The following EPM2A variants were observed in gnomAD, a reference collection of about 807,000 sequenced individuals.
EPM2A encodes the protein laforin.
Under a neutral mutation model 26.5 loss-of-function variants are expected in EPM2A, and 21 were observed. The ratio of observed to expected loss-of-function variants is 0.79; its 90% CI spans 0.56 to 1.14. EPM2A has a LOEUF of 1.14. Among genes scored for constraint, EPM2A ranks in the 50% most tolerant of loss-of-function variants. The pLI, the probability that EPM2A is intolerant of heterozygous loss-of-function variation, is 0.00. For synonymous variants in EPM2A, 217 were observed against 177.6 expected, an observed-to-expected ratio of 1.22 and a Z score of -1.76; for missense variants, 458 against 440.8, an observed-to-expected ratio of 1.04 and a Z score of -0.35.
chr6:145,667,874 T>A (rs2128595649), intron 2 of EPM2A, among the ~76,000 whole-genome samples: 2 of 150,772 alleles, frequency 1.3e-5, no homozygotes, highest in Middle Eastern at 3.4e-3. Context: ...GGGACGTGGA[T>A]GAAATTGGAA....
intron 4 of EPM2A, among the ~76,000 whole-genome samples, chr6:145,407,893 T>C (rs1778591176): frequency 6.6e-6 from 1 of 152,184 alleles, no homozygotes; most frequent in African/African-American, 2.4e-5. Flanking sequence ...CTGGGTAAGG[T>C]CACATGTTTA....
intron 2 of EPM2A, among the ~76,000 whole-genome samples, chr6:145,522,234 G>A (rs1033006791): frequency 1.3e-5 from 2 of 152,164 alleles, no homozygotes; most frequent in African/African-American, 4.8e-5. Context: ...TTACAGGCAT[G>A]AGCCACCGCG....
intron 3 of EPM2A, chr6:145,628,678 A>G (rs1205130299): frequency 2.0e-5 from 3 of 152,258 alleles, no homozygotes; most frequent in Admixed American, 6.5e-5. Flanking sequence ...AGTGGCCCGA[A>G]AGGATCCTCC....
intron 4 of EPM2A, among the ~76,000 whole-genome samples, chr6:145,438,280 A>C (rs1232375872): frequency 6.6e-6 from 1 of 152,100 alleles, no homozygotes; most frequent in Non-Finnish European, 1.5e-5. Context: ...AGCAGGGTGC[A>C]GGGCTGACAG....
At chr6:145,658,204 TGTCCAC>T (rs1176468874) in intron 2 of EPM2A, among the ~76,000 whole-genome samples, 1 of 152,258 alleles carries the variant, frequency 6.6e-6, no homozygotes, top group Non-Finnish European at 1.5e-5. Flanking sequence ...TGCCTGCATC[TGTCCAC>T]GCATGCAGTC....
chr6:145,403,168 G>A (rs1582727994), intron 4 of EPM2A, among the ~76,000 whole-genome samples: 1 of 152,236 alleles, frequency 6.6e-6, no homozygotes, highest in African/African-American at 2.4e-5. Flanking sequence ...CGTGTAATGT[G>A]AAATGATCAA....
chr6:145,502,049 A>T (rs761202146), intron 3 of EPM2A, among the ~76,000 whole-genome samples: 5 of 152,204 alleles, frequency 3.3e-5, no homozygotes, highest in Admixed American at 6.5e-5. Context: ...AGTGAAAAGG[A>T]GCTTTTATTA....
chr6:145,436,055 T>G (rs149708709), intron 4 of EPM2A, among the ~76,000 whole-genome samples: 5 of 152,204 alleles, frequency 3.3e-5, no homozygotes, highest in Admixed American at 1.3e-4. Flanking sequence ...AAATATGGTA[T>G]AGAATAGTTT....
At chr6:145,622,440 G>C (rs1466328213), downstream of EPM2A, among the ~76,000 whole-genome samples, 2 of 152,036 alleles carry the variant, frequency 1.3e-5, no homozygotes, top group Non-Finnish European at 2.9e-5. Context: ...TTCAAATGTT[G>C]AAGTCATAAC....
chr6:145,554,451 G>GATAC lies in EPM2A; in HGVS notation c.341-51877_341-51876insGTAT, dbSNP rs1464873627. Among the ~76,000 whole-genome samples, 547 of 151,450 alleles carry GATAC rather than the reference G, an allele frequency of 3.6e-3. 14 individuals carry two copies. In the East Asian group the frequency reaches 0.061, roughly 17 times the overall value. Reference sequence around the variant, plus strand: ...AGATAGATAGATAGATAGATAGATAGATAGATAGATAGATAGATACATAGA... The same window carrying GATAC: ...AGATAGATAGATAGATAGATAGATAGATACATAGATAGATAGATAGATACATAGA... On this transcript the variant is annotated intron_variant, in intron 2 of 3. Transcript: ENST00000450221.
At chr6:145,538,305 T>C (rs1029754542) in intron 2 of EPM2A, among the ~76,000 whole-genome samples, 1 of 152,122 alleles carries the variant, frequency 6.6e-6, no homozygotes, top group Non-Finnish European at 1.5e-5. Flanking sequence ...GGGAACTTAA[T>C]ACATGTTTAG....
intron 4 of EPM2A, among the ~76,000 whole-genome samples, chr6:145,397,260 G>A (rs975771409): frequency 2.6e-5 from 4 of 151,936 alleles, no homozygotes; most frequent in Admixed American, 6.6e-5. Flanking sequence ...GCGAGAACAC[G>A]TCTCTACTAA....
At chr6:145,474,408 G>A (rs557840879) in intron 4 of EPM2A, among the ~76,000 whole-genome samples, 2 of 152,262 alleles carry the variant, frequency 1.3e-5, no homozygotes, top group East Asian at 3.9e-4. Context: ...GTGGCAGTGA[G>A]CCAAGATTGA....
intron 3 of EPM2A, 131 bp from the exon 4 acceptor site, chr6:145,627,824 T>C (rs758212792): frequency 6.8e-6 from 9 of 1,331,326 alleles, no homozygotes; most frequent in African/African-American, 1.5e-5. Flanking sequence ...GTTTGCTTTC[T>C]TTCTGCATTG....
At chr6:145,711,581 G>C (rs1260032837) in intron 1 of EPM2A, among the ~76,000 whole-genome samples, 1 of 152,090 alleles carries the variant, frequency 6.6e-6, no homozygotes, top group Non-Finnish European at 1.5e-5. Flanking sequence ...TCCAGAGAAA[G>C]AATTTAGCTT....
chr6:145,582,237 T>C (rs535115754), intron 2 of EPM2A, among the ~76,000 whole-genome samples: 1 of 152,340 alleles, frequency 6.6e-6, no homozygotes. Flanking sequence ...TTCCATGTTA[T>C]TGTATGATTT....
chr6:145,703,526 C>G (rs1451457460), intron 1 of EPM2A, among the ~76,000 whole-genome samples: 1 of 152,108 alleles, frequency 6.6e-6, no homozygotes, highest in African/African-American at 2.4e-5. Flanking sequence ...GTTTTATAAA[C>G]AACTTTAAAC....
At chr6:145,526,276 G>A (rs77458597) in intron 2 of EPM2A, among the ~76,000 whole-genome samples, 1 of 152,032 alleles carries the variant, frequency 6.6e-6, no homozygotes, top group African/African-American at 2.4e-5. Context: ...TCCCAGGTTT[G>A]AGTATCAGAG....
intron 4 of EPM2A, among the ~76,000 whole-genome samples, chr6:145,430,338 G>A (rs1213719982): frequency 1.3e-5 from 2 of 151,908 alleles, no homozygotes; most frequent in Non-Finnish European, 2.9e-5. Context: ...GGTGGCTCAC[G>A]GTTGTAACCC....
Sources: gnomAD v4.1 joint callset for allele counts (sites outside exome capture counted in the v4.1 genomes callset) on GRCh38, gnomAD v4.1.1 for gene constraint, MANE v1.5 for transcripts, NCBI Gene and HGNC (gene_info 2026-07-23, HGNC 2026-07-21) for gene names.